Variants in NTNG1 observed in about 807,000 individuals in gnomAD.
NTNG1 encodes the protein netrin-G1.
In NTNG1, 16 loss-of-function variants were observed where a neutral mutation model predicts 54.0. That is an observed-to-expected ratio of 0.30 (90% CI 0.20 to 0.45). The LOEUF is 0.45. Ranked by LOEUF, NTNG1 falls within the 20% of genes least tolerant of loss-of-function variation. The pLI is 1.00. For missense variants in NTNG1, 530 were observed against 678.7 expected, an observed-to-expected ratio of 0.78 and a Z score of 2.43; for synonymous variants, 255 against 263.1, an observed-to-expected ratio of 0.97 and a Z score of 0.30.
rs1419426192 is a variant in NTNG1 at position 107,484,529 on chromosome 1, A to C, written c.*3689A>C. On this transcript the variant is annotated 3_prime_UTR_variant, in exon 8 of 8. Coordinates refer to ENST00000370068, the MANE Select transcript of NTNG1 (RefSeq NM_001113226.3). Reference sequence around the variant, plus strand: ...CAGACATTTGGGGTCGATCTGCCTGAGGTGCCCTTGAGTCAGATCCCTAAG... The same window carrying C: ...CAGACATTTGGGGTCGATCTGCCTGCGGTGCCCTTGAGTCAGATCCCTAAG... Among the ~76,000 whole-genome samples the C allele has an allele frequency of 2.0e-5, 3 of 152,336 alleles. No homozygotes were observed. Among genetic ancestry groups the C allele is most frequent in the African/African-American group, 7.2e-5 (3 of 41,590 alleles).
At chr1:107,416,113 A>G (rs1158743520) in intron 5 of NTNG1, among the ~76,000 whole-genome samples, 1 of 152,114 alleles carries the variant, frequency 6.6e-6, no homozygotes, top group Non-Finnish European at 1.5e-5. Context: ...GTAACACACT[A>G]TAGGAGTTTA....
At chr1:107,355,450 CTTAGGG>C (rs1669882383) in intron 3 of NTNG1, among the ~76,000 whole-genome samples, 1 of 151,900 alleles carries the variant, frequency 6.6e-6, no homozygotes, top group African/African-American at 2.4e-5. Flanking sequence ...CTTTACGTTA[CTTAGGG>C]GTAATGGGGA....
At chr1:107,146,763 A>C (rs1570701005) in intron 1 of NTNG1, among the ~76,000 whole-genome samples, 1 of 152,220 alleles carries the variant, frequency 6.6e-6, no homozygotes, top group East Asian at 1.9e-4. Flanking sequence ...AGCAATTATT[A>C]TAAATTACTT....
In NTNG1 at chr1:107,324,314, T is replaced by C. The variant is rs764343021; in HGVS notation, c.279T>C (p.Asp93=). The part of the protein sequence containing the change: ...GNPYMCNNEC[D]ASTPELAHPP... ...CCTACATGTGCAATAATGAGTGTGA[T>C]GCGAGTACCCCTGAGCTGGCACACC... Residue 93 remains aspartate, a synonymous_variant, in exon 3 of 8, where the codon GAT becomes GAC. Coordinates refer to ENST00000370068, the MANE Select transcript of NTNG1 (RefSeq NM_001113226.3). The C allele has an allele frequency of 9.9e-6, 16 of 1,613,624 alleles. No homozygotes were observed. The highest frequency in any genetic ancestry group is 8.8e-5 in the South Asian group (8 of 91,056).
chr1:107,180,806 G>GAT (rs1328020509), intron 2 of NTNG1, among the ~76,000 whole-genome samples: 1 of 152,124 alleles, frequency 6.6e-6, no homozygotes, highest in Admixed American at 6.6e-5. Context: ...ATTAATAATG[G>GAT]ATATATGTGT....
intron 2 of NTNG1, among the ~76,000 whole-genome samples, chr1:107,181,359 A>G (rs760020577): frequency 2.0e-5 from 3 of 152,176 alleles, no homozygotes; most frequent in Admixed American, 6.5e-5. Flanking sequence ...TGTATTGCAT[A>G]AAAGAGGGTT....
chr1:107,314,129 G>C (rs186965560), intron 2 of NTNG1, among the ~76,000 whole-genome samples: 1 of 152,196 alleles, frequency 6.6e-6, no homozygotes, highest in African/African-American at 2.4e-5. Flanking sequence ...TGAAGGCCAG[G>C]TGTGGTGGCT....
chr1:107,222,305 A>G (rs1334285631), intron 2 of NTNG1, among the ~76,000 whole-genome samples: 1 of 152,166 alleles, frequency 6.6e-6, no homozygotes, highest in African/African-American at 2.4e-5. Context: ...CCTATTGGCT[A>G]AAAGTGGGGA....
intron 3 of NTNG1, among the ~76,000 whole-genome samples, chr1:107,393,455 C>T (rs1374283356): frequency 1.3e-5 from 2 of 151,962 alleles, no homozygotes; most frequent in Non-Finnish European, 2.9e-5. Context: ...TAAACATTGC[C>T]TATTTAACTG....
chr1:107,394,681 A>G (rs934140044), intron 3 of NTNG1, among the ~76,000 whole-genome samples: 1 of 152,188 alleles, frequency 6.6e-6, no homozygotes, highest in Non-Finnish European at 1.5e-5. Context: ...TGAATAGCAA[A>G]TTATTTTAAT....
Position 107,361,391 on chromosome 1 carries a change from A to ATATTTTTTT in NTNG1, c.888-33762_888-33761insATTTTTTTT, listed in dbSNP as rs370815306. Among the ~76,000 whole-genome samples the ATATTTTTTT allele has an allele frequency of 8.0e-5, 7 of 87,974 alleles. No homozygotes were observed. The Admixed American group carries it at 1.1e-3, about 14-fold the overall frequency. The allele number at this position is 87,974 out of a possible 152,430, so 57.7% of individuals were successfully genotyped here. On this transcript the variant is annotated intron_variant, in intron 3 of 7. Transcript: ENST00000370068. ...TATATATACATATATATATATATAT[A>ATATTTTTTT]TTTTTTTTTTTTTTTGAGACACAGT...
chr1:107,238,277 C>A lies in NTNG1; in HGVS notation c.247-86005C>A, dbSNP rs75399942. On this transcript the variant is annotated intron_variant, in intron 2 of 7. Coordinates refer to ENST00000370068, the MANE Select transcript of NTNG1 (RefSeq NM_001113226.3). ...GCCCCTTTGTTTTGGCCAATTTCCC[C>A]TATGTGGAATGGCTGTGTTTATCCA... 3.2e-3 allele frequency among the ~76,000 whole-genome samples: 489 copies of A among 152,300 alleles called. 6 individuals are homozygous for A. Among genetic ancestry groups the A allele is most frequent in the African/African-American group, 0.011 (473 of 41,566 alleles).
At chr1:107,147,485 A>G (rs1227690191) in intron 1 of NTNG1, among the ~76,000 whole-genome samples, 1 of 152,054 alleles carries the variant, frequency 6.6e-6, no homozygotes, top group Non-Finnish European at 1.5e-5. Context: ...CAGAGAGCCA[A>G]CTTATCTTTA....
chr1:107,180,673 A>G (rs994348443), intron 2 of NTNG1, among the ~76,000 whole-genome samples: 2 of 152,246 alleles, frequency 1.3e-5, no homozygotes, highest in South Asian at 2.1e-4. Flanking sequence ...TATTGCCTTT[A>G]TTTTGTAACA....
intron 1 of NTNG1, chr1:107,141,440 A>G (rs1256495025): frequency 6.7e-6 from 1 of 149,074 alleles, no homozygotes; most frequent in Non-Finnish European, 1.5e-5. Flanking sequence ...CGCCCGGCGC[A>G]AGGGCAAACG....
intron 7 of NTNG1, among the ~76,000 whole-genome samples, chr1:107,461,262 T>C (rs1677266621): frequency 6.6e-6 from 1 of 152,212 alleles, no homozygotes; most frequent in Non-Finnish European, 1.5e-5. Flanking sequence ...TGAAGGTCTT[T>C]CTGAGAAGGG....
At chr1:107,217,685 T>C (rs1320722232) in intron 2 of NTNG1, among the ~76,000 whole-genome samples, 4 of 152,222 alleles carry the variant, frequency 2.6e-5, no homozygotes, top group Admixed American at 1.3e-4. Flanking sequence ...TTTTAGTTTC[T>C]ATCTTGATTC....
chr1:107,329,584 C>T (rs1668161768), intron 3 of NTNG1, among the ~76,000 whole-genome samples: 1 of 152,058 alleles, frequency 6.6e-6, no homozygotes, highest in Non-Finnish European at 1.5e-5. Context: ...TTTTCCTAGC[C>T]ACAACTGAAA....
intron 2 of NTNG1, among the ~76,000 whole-genome samples, chr1:107,208,474 G>A (rs1055879004): frequency 1.3e-5 from 2 of 151,300 alleles, no homozygotes; most frequent in Non-Finnish European, 2.9e-5. Context: ...AAGAAATGGA[G>A]GGAATACTTC....
Sources: gnomAD v4.1 joint callset for allele counts (sites outside exome capture counted in the v4.1 genomes callset) on GRCh38, gnomAD v4.1.1 for gene constraint, MANE v1.5 for transcripts, NCBI Gene and HGNC (gene_info 2026-07-23, HGNC 2026-07-21) for gene names.